TENM2: variants seen among roughly 807,000 people sequenced by gnomAD.
The protein encoded by TENM2 is teneurin transmembrane protein 2.
In TENM2, 52 loss-of-function variants were observed where a neutral mutation model predicts 245.2. The ratio of observed to expected loss-of-function variants is 0.21; its 90% confidence interval spans 0.17 to 0.27. The LOEUF (loss-of-function observed/expected upper bound fraction) is 0.27. Ranked by LOEUF, TENM2 falls within the 10% of genes least tolerant of loss-of-function variation. TENM2 has a pLI of 1.00. For synonymous variants in TENM2, 1,363 were observed against 1,438.9 expected, an observed-to-expected ratio of 0.95 and a Z score of 1.19; for missense variants, 3,046 against 3,666.8, an observed-to-expected ratio of 0.83 and a Z score of 4.37.
At chr5:167,023,227 T>C in the TENM2 span, among the ~76,000 whole-genome samples, 1 of 152,214 alleles carries the variant, frequency 6.6e-6, no homozygotes, top group Non-Finnish European at 1.5e-5. Context: ...GCAACTAAAC[T>C]TCATTAGCAA....
chr5:167,030,757 A>C, the TENM2 span, among the ~76,000 whole-genome samples: 1 of 152,172 alleles, frequency 6.6e-6, no homozygotes, highest in East Asian at 1.9e-4. Flanking sequence ...CCCAAGAAGA[A>C]AAGGGAAGGA....
At chr5:167,772,444 G>A (rs181945043) in intron 2 of TENM2, among the ~76,000 whole-genome samples, 145 of 152,128 alleles carry the variant, frequency 9.5e-4, no homozygotes, top group Non-Finnish European at 1.6e-3. Flanking sequence ...GCTTTTTTAG[G>A]CAGCATGGCT....
intron 5 of TENM2, among the ~76,000 whole-genome samples, chr5:168,043,863 A>G (rs1023013849): frequency 2.6e-5 from 4 of 152,220 alleles, no homozygotes; most frequent in Non-Finnish European, 2.9e-5. Flanking sequence ...ACCAACCCCA[A>G]TGAGATTATT....
At chr5:167,701,217 A>G (rs1176594447) in intron 2 of TENM2, among the ~76,000 whole-genome samples, 1 of 152,124 alleles carries the variant, frequency 6.6e-6, no homozygotes, top group East Asian at 1.9e-4. Flanking sequence ...CAGTCATTAC[A>G]TCTCCCCCAA....
At position 168,260,423 on chromosome 5, in the gene TENM2, G is replaced by C. The variant is rs1274954895; in HGVS notation, c.7563+10G>C. The stretch of plus-strand genomic sequence containing the variant: ...AAGTGAGAATGGACAGGTAAGCAGA[G>C]GTTCCTGCCAAGAATCCAAATGATT... On this transcript the variant is annotated intron_variant, in intron 28 of 28. Transcript: ENST00000518659. 2 of 1,612,518 alleles carry C rather than the reference G, an allele frequency of 1.2e-6. No homozygotes were observed. Among genetic ancestry groups the C allele is most frequent in the African/African-American group, 2.7e-5 (2 of 74,858 alleles).
chr5:167,984,262 T>C (rs1783062793), intron 4 of TENM2, among the ~76,000 whole-genome samples: 1 of 152,132 alleles, frequency 6.6e-6, no homozygotes, highest in South Asian at 2.1e-4. Flanking sequence ...ATGATGACAA[T>C]GAGGAAATGT....
chr5:167,072,178 G>T, the TENM2 span, among the ~76,000 whole-genome samples: 1 of 152,186 alleles, frequency 6.6e-6, no homozygotes, highest in African/African-American at 2.4e-5. Flanking sequence ...GGGGCTCATT[G>T]TGTTGACATG....
chr5:167,171,655 A>G, the TENM2 span, among the ~76,000 whole-genome samples: 358 of 152,312 alleles, frequency 2.4e-3, 3 homozygotes, highest in African/African-American at 8.2e-3. Flanking sequence ...TAACTACTCA[A>G]TAGGAATGTG....
intron 4 of TENM2, among the ~76,000 whole-genome samples, chr5:167,976,650 A>G (rs1782464436): frequency 6.6e-6 from 1 of 152,224 alleles, no homozygotes; most frequent in Non-Finnish European, 1.5e-5. Flanking sequence ...TCTAAAATAA[A>G]ATAGAATTTT....
At chr5:167,178,011 A>G in the TENM2 span, among the ~76,000 whole-genome samples, 1 of 152,240 alleles carries the variant, frequency 6.6e-6, no homozygotes, top group African/African-American at 2.4e-5. Flanking sequence ...ACCTTATAAC[A>G]TTCATAACCA....
chr5:167,507,165 A>C (rs1169185406), intron 2 of TENM2, among the ~76,000 whole-genome samples: 1 of 152,182 alleles, frequency 6.6e-6, no homozygotes, highest in African/African-American at 2.4e-5. Flanking sequence ...ATTTCAGATA[A>C]ATAGAATCGT....
intron 3 of TENM2, among the ~76,000 whole-genome samples, chr5:167,900,133 AGGGG>A (rs70976451): frequency 2.7e-4 from 27 of 100,526 alleles, no homozygotes; most frequent in African/African-American, 1.0e-3. Flanking sequence ...AAAAAAAAAA[AGGGG>A]GGGGGGGTTT....
At chr5:168,262,962 A>G in exon 29 of TENM2, 1 of 686,780 alleles carries the variant, frequency 1.5e-6, no homozygotes, top group South Asian at 2.1e-5. Context: ...TTGAGTTCAA[A>G]TGCTACTGTC....
chr5:168,146,197 G>A (rs1307420160), intron 12 of TENM2, among the ~76,000 whole-genome samples: 3 of 151,920 alleles, frequency 2.0e-5, no homozygotes, highest in African/African-American at 7.3e-5. Flanking sequence ...AATTGCCCTG[G>A]CCAGAACTTC....
chr5:167,383,246 C>T (rs369349863), intron 2 of TENM2, among the ~76,000 whole-genome samples: 2 of 152,012 alleles, frequency 1.3e-5, no homozygotes, highest in East Asian at 3.9e-4. Flanking sequence ...CCAAAATGAG[C>T]AATGTAGACA....
chr5:167,622,022 C>T (rs1255375883), intron 2 of TENM2, among the ~76,000 whole-genome samples: 1 of 152,136 alleles, frequency 6.6e-6, no homozygotes, highest in African/African-American at 2.4e-5. Flanking sequence ...TGAGAGACTC[C>T]TGCTGACAGC....
At chr5:167,584,795 C>A (rs1180554106) in intron 2 of TENM2, among the ~76,000 whole-genome samples, 1 of 151,598 alleles carries the variant, frequency 6.6e-6, no homozygotes, top group African/African-American at 2.4e-5. Flanking sequence ...CCTGGGTTCA[C>A]GCCATTCTCC....
chr5:167,957,089 T>A (rs1780619555), intron 4 of TENM2, among the ~76,000 whole-genome samples: 1 of 152,054 alleles, frequency 6.6e-6, no homozygotes, highest in African/African-American at 2.4e-5. Context: ...TCAACTCTGA[T>A]TCCATCTGGT....
chr5:167,595,336 C>T (rs1207494794), intron 2 of TENM2, among the ~76,000 whole-genome samples: 2 of 151,748 alleles, frequency 1.3e-5, no homozygotes, highest in African/African-American at 4.8e-5. Flanking sequence ...ATATCGAGCC[C>T]AAAGCTGGCT....
Sources: gnomAD v4.1 joint callset for allele counts (sites outside exome capture counted in the v4.1 genomes callset) on GRCh38, gnomAD v4.1.1 for gene constraint, MANE v1.5 for transcripts, NCBI Gene and HGNC (gene_info 2026-07-23, HGNC 2026-07-21) for gene names.